The following BIRC2 variants were observed in gnomAD, a reference collection of about 807,000 sequenced individuals.
BIRC2 encodes the protein baculoviral IAP repeat containing 2.
In BIRC2, 18 loss-of-function variants were observed where a neutral mutation model predicts 60.9. The observed-to-expected ratio is 0.30, with a 90% confidence interval of 0.20 to 0.44. The LOEUF (loss-of-function observed/expected upper bound fraction) is 0.44. Ranked by LOEUF, BIRC2 falls within the 20% of genes least tolerant of loss-of-function variation. BIRC2 has a pLI of 1.00. For synonymous variants in BIRC2, 282 were observed against 247.7 expected, an observed-to-expected ratio of 1.14 and a Z score of -1.30; for missense variants, 701 against 728.5, an observed-to-expected ratio of 0.96 and a Z score of 0.43.
At position 102,348,696 on chromosome 11, in the gene BIRC2, G is replaced by A. The variant is rs990868172; in HGVS notation, c.-1159G>A. ...GAAACTTTATAAAGGGATATAGTTTGAATTCTATGGAGTGTAATTTTGTGT... is the reference window on the plus strand; with the variant it reads ...GAAACTTTATAAAGGGATATAGTTTAAATTCTATGGAGTGTAATTTTGTGT... On this transcript the variant is annotated 5_prime_UTR_variant, in exon 2 of 9. Transcript: ENST00000227758. 1.0e-5 allele frequency: 4 copies of A among 391,658 alleles called. No individual in the cohort carries two copies. In the Admixed American group the frequency reaches 1.3e-4, roughly 13 times the overall value. The allele number at this position is 391,658 out of a possible 1,614,324, so 24.3% of individuals were successfully genotyped here.
intron 3 of BIRC2, among the ~76,000 whole-genome samples, chr11:102,360,278 A>G (rs1288175446): frequency 6.6e-6 from 1 of 151,904 alleles, no homozygotes; most frequent in Non-Finnish European, 1.5e-5. Flanking sequence ...GAATTCTTAA[A>G]ATGCAAATAT....
At chr11:102,367,765 A>G (rs559242163) in intron 5 of BIRC2, among the ~76,000 whole-genome samples, 3 of 152,080 alleles carry the variant, frequency 2.0e-5, no homozygotes, top group Non-Finnish European at 4.4e-5. Flanking sequence ...TTTTCACTAC[A>G]TCTTCTGGGT....
In BIRC2 at chr11:102,378,044, T is replaced by C; in HGVS notation, c.1718T>C (p.Val573Ala). The change falls in exon 9 of 9, where the codon GTG becomes GCG. Residue 573 changes from valine to alanine, a missense_variant. Coordinates refer to ENST00000227758, the MANE Select transcript of BIRC2 (RefSeq NM_001166.5). ...RRLQEERTCK[V>A]CMDKEVSVVF... ...TTGCAAGAAGAACGAACTTGTAAAG[T>C]GTGTATGGACAAAGAAGTTTCTGTT... 1 of 1,613,460 alleles carries C rather than the reference T, an allele frequency of 6.2e-7. No homozygotes were observed. Among genetic ancestry groups the C allele is most frequent in the Non-Finnish European group, 8.5e-7 (1 of 1,179,754 alleles).
chr11:102,363,905 C>T (rs533076566), intron 5 of BIRC2, among the ~76,000 whole-genome samples, 189 bp downstream of exon 5: 2 of 151,378 alleles, frequency 1.3e-5, no homozygotes, highest in East Asian at 3.9e-4. Flanking sequence ...AAATACAAAA[C>T]TTAGCCGGGT....
chr11:102,361,772 T>C (rs1361462304), intron 3 of BIRC2, among the ~76,000 whole-genome samples: 1 of 152,048 alleles, frequency 6.6e-6, no homozygotes, highest in Admixed American at 6.6e-5. Context: ...CACCCCTTGT[T>C]CTTAGCCATC....
chr11:102,363,254 A>G (rs192635477), intron 4 of BIRC2, among the ~76,000 whole-genome samples: 4 of 152,220 alleles, frequency 2.6e-5, no homozygotes, highest in South Asian at 4.1e-4. Context: ...TGTTTTTACT[A>G]TTTTGAAAAA....
chr11:102,357,772 A>G (rs543313409), intron 3 of BIRC2, among the ~76,000 whole-genome samples: 4 of 151,992 alleles, frequency 2.6e-5, no homozygotes, highest in South Asian at 2.1e-4. Flanking sequence ...TGTAGTCTCT[A>G]TTTCATGAGA....
At chr11:102,373,346 C>A (rs1441042424) in intron 6 of BIRC2, among the ~76,000 whole-genome samples, 1 of 152,134 alleles carries the variant, frequency 6.6e-6, no homozygotes, top group Non-Finnish European at 1.5e-5. Flanking sequence ...TTCCGGAGCT[C>A]TTTTAGGGCA....
intron 1 of BIRC2, chr11:102,347,727 A>G (rs1295638624): frequency 1.3e-5 from 2 of 152,198 alleles, no homozygotes. Context: ...AATGTAATAC[A>G]TTGAAACGAA....
At chr11:102,368,260 G>C (rs202143319) in intron 5 of BIRC2, 46 bp from the exon 6 acceptor site, 4 of 1,583,808 alleles carry the variant, frequency 2.5e-6, no homozygotes, top group Non-Finnish European at 3.4e-6. Context: ...TTTTCCATAG[G>C]TTTATGTTTG....
chr11:102,351,031 T>A, intron 3 of BIRC2, 88 bp downstream of exon 3: 1 of 1,197,810 alleles, frequency 8.3e-7, no homozygotes, highest in Non-Finnish European at 1.2e-6. Context: ...ACCTTTAAAT[T>A]ATAACAAAGC....
Position 102,368,333 on chromosome 11 carries a change from C to T in BIRC2, c.1151C>T (p.Ser384Phe). Residue 384 changes from serine (S) to phenylalanine (F), a missense_variant, in exon 6 of 9, where the codon TCT (serine) becomes TTT (phenylalanine). This residue lies in a region of BIRC2 where 235 missense variants were observed against 208.9 expected (regional missense o/e 1.12). Transcript: ENST00000227758. ...PIIHFGPGES[S>F]SEDAVMMNTP... ...ATTCATTTTGGACCTGGAGAAAGTT[C>T]TTCAGAAGATGCTGTCATGATGAAT... 2 of 1,613,290 alleles carry T rather than the reference C, an allele frequency of 1.2e-6. No homozygotes were observed. Among genetic ancestry groups the T allele is most frequent in the Non-Finnish European group, 1.7e-6 (2 of 1,179,658 alleles).
chr11:102,364,162 TATATATATATATACACAC>T lies in BIRC2; in HGVS notation c.1123+448_1123+465del, dbSNP rs1277914689. On this transcript the variant is annotated intron_variant, in intron 5 of 8. Transcript: ENST00000227758. Reference sequence around the variant, plus strand: ...TATTATATATATATATATATATATATATATATATATATACACACACACACAGAGAGAGAGAGAGAGAGA... The same window carrying T: ...TATTATATATATATATATATATATATACACACAGAGAGAGAGAGAGAGAGA... 1.4e-3 allele frequency among the ~76,000 whole-genome samples: 134 copies of T among 92,782 alleles called. 3 individuals are homozygous for T. The highest frequency in any genetic ancestry group is 4.7e-3 in the African/African-American group (105 of 22,454). The allele number at this position is 92,782 out of a possible 152,430, so 60.9% of individuals were successfully genotyped here.
rs771502692 is a variant in BIRC2 at position 102,350,767 on chromosome 11, A to T, written c.895+18A>T. On this transcript the variant is annotated intron_variant, in intron 2 of 8. Transcript: ENST00000227758. ...TTATGTGGGTAAGAAGCAAATAACT[A>T]TACATTTTATCATTTTATTTTAATT... 6.2e-7 allele frequency: 1 copy of T among 1,603,696 alleles called. No homozygotes were observed. The highest frequency in any genetic ancestry group is 1.1e-5 in the South Asian group (1 of 88,910).
At chr11:102,351,902 T>C (rs34721257) in intron 3 of BIRC2, among the ~76,000 whole-genome samples, 1 of 152,256 alleles carries the variant, frequency 6.6e-6, no homozygotes, top group Non-Finnish European at 1.5e-5. Context: ...AGTGATAAAA[T>C]AGGCATAACA....
At position 102,352,107 on chromosome 11, in the gene BIRC2, T is replaced by TG. The variant is rs1282433604; in HGVS notation, c.995+1164_995+1165insG. On this transcript the variant is annotated intron_variant, in intron 3 of 8. Coordinates refer to ENST00000227758, the MANE Select transcript of BIRC2 (RefSeq NM_001166.5). ...GCAACCACCATTGTCTTTCTCTTTT[T>TG]TTTTTTTTTTGTTTTGTTTTTTTTG... 2.0e-4 allele frequency among the ~76,000 whole-genome samples: 31 copies of TG among 151,756 alleles called. No homozygotes were observed. In the South Asian group the frequency reaches 2.3e-3, roughly 11 times the overall value.
chr11:102,362,669 G>T, intron 3 of BIRC2: 37 of 376,474 alleles, frequency 9.8e-5, no homozygotes, highest in Middle Eastern at 7.9e-4. Context: ...TTTTGTTGTT[G>T]TGTTAATGGA....
chr11:102,365,262 C>T (rs1055936463), intron 5 of BIRC2, among the ~76,000 whole-genome samples: 6 of 152,118 alleles, frequency 3.9e-5, no homozygotes, highest in African/African-American at 1.2e-4. Flanking sequence ...CCCTTTCTCT[C>T]GAGTCTTCAA....
intron 6 of BIRC2, among the ~76,000 whole-genome samples, chr11:102,374,426 C>G (rs879890638): frequency 6.8e-6 from 1 of 147,588 alleles, no homozygotes; most frequent in East Asian, 2.0e-4. Context: ...AATACCCTGC[C>G]GTGTGAGGTG....
Sources: allele counts gnomAD v4.1 joint callset (sites outside exome capture counted in the v4.1 genomes callset), GRCh38; gene constraint gnomAD v4.1.1; regional missense constraint gnomAD v4.1.1; transcripts MANE v1.5; gene names NCBI Gene and HGNC (gene_info 2026-07-23, HGNC 2026-07-21).